The following ATP2A3 variants were observed in gnomAD, a reference collection of about 807,000 sequenced individuals.
The protein encoded by ATP2A3 is ATPase sarcoplasmic/endoplasmic reticulum Ca2+ transporting 3.
A neutral mutation model predicts 106.8 loss-of-function variants in ATP2A3; 61 were observed. The ratio of observed to expected loss-of-function variants is 0.57; its 90% CI spans 0.46 to 0.71. ATP2A3 has a LOEUF of 0.71. Ranked by LOEUF, ATP2A3 falls within the 30% of genes least tolerant of loss-of-function variation. The pLI, the probability that ATP2A3 is intolerant of heterozygous loss-of-function variation, is 0.00. For synonymous variants in ATP2A3, 611 were observed against 609.3 expected (o/e 1.00, Z -0.04); for missense variants, 1,201 against 1,423.5 (o/e 0.84, Z 2.52).
intron 10 of ATP2A3, 88 bp downstream of exon 10, chr17:3,944,616 T>C (rs2053981601): frequency 7.1e-7 from 1 of 1,411,040 alleles, no homozygotes; most frequent in African/African-American, 1.4e-5. Context: ...GAGCAAGGGC[T>C]GCCAACCCTG....
intron 13 of ATP2A3, 54 bp from the exon 14 acceptor site, chr17:3,941,360 C>A: frequency 6.2e-7 from 1 of 1,613,430 alleles, no homozygotes; most frequent in Non-Finnish European, 8.5e-7. Flanking sequence ...TGACCTACCA[C>A]CTGCTCAGCT....
rs942298063 is a variant in ATP2A3, at chr17:3,947,293, C to T, written c.1095+98G>A. On this transcript the variant is annotated intron_variant, in intron 8 of 20. Coordinates refer to ENST00000397041, the MANE Select transcript of ATP2A3 (RefSeq NM_005173.4). This position sits in a 1 kb window ranked among gnomAD's most constrained non-coding sequence, Gnocchi z 7.7. ...CCAAGGGACAGCCCACAGATTCTCT[C>T]CTCCATCCCTCACTGAAAAGGAGGT... 3 of 1,425,328 alleles carry T rather than the reference C, an allele frequency of 2.1e-6. No homozygotes were observed. Among genetic ancestry groups the T allele is most frequent in the Non-Finnish European group, 2.0e-6 (2 of 1,023,920 alleles). 88.3% of individuals were successfully genotyped at this position (1,425,328 alleles called of 1,614,324 possible).
rs976149483 is a variant in ATP2A3 at position 3,929,682 on chromosome 17, C to T, written c.2745-237G>A. Among the ~76,000 whole-genome samples, 1 of 152,140 alleles carries T rather than the reference C, an allele frequency of 6.6e-6. No individual in the cohort carries two copies. Among genetic ancestry groups the T allele is most frequent in the African/African-American group, 2.4e-5 (1 of 41,402 alleles). On this transcript the variant is annotated intron_variant, in intron 18 of 20. Transcript: ENST00000397041. The surrounding 1 kb of genome is among the most constrained non-coding windows in gnomAD (Gnocchi z 4.3). ...GTCTCCTGGGCCCCAATTCCGGTCC[C>T]CATGAACTCTCAGAATCCTCTCTGG...
Position 3,930,591 on chromosome 17 carries a change from G to A in ATP2A3, c.2611-157C>T, listed in dbSNP as rs970383733. 1.1e-5 allele frequency: 12 copies of A among 1,087,956 alleles called. No homozygotes were observed. Among genetic ancestry groups the A allele is most frequent in the African/African-American group, 6.3e-5 (4 of 63,382 alleles). The allele number at this position is 1,087,956 out of a possible 1,614,324, so 67.4% of individuals were successfully genotyped here. The stretch of plus-strand genomic sequence containing the variant: ...GGGCTGGGGATCCCGGGAGGGGTGC[G>A]GGGTCGGGGCGGCGGTGGGGAGAGC... On this transcript the variant is annotated intron_variant, in intron 17 of 20. Coordinates refer to ENST00000397041, the MANE Select transcript of ATP2A3 (RefSeq NM_005173.4). The surrounding 1 kb of genome is among the most constrained non-coding windows in gnomAD (Gnocchi z 5.4).
At position 3,951,633 on chromosome 17, in the gene ATP2A3, G is replaced by T; in HGVS notation, c.272C>A (p.Pro91His). The T allele has an allele frequency of 1.2e-6, 2 of 1,611,404 alleles. No homozygotes were observed. Among genetic ancestry groups the T allele is most frequent in the Non-Finnish European group, 1.7e-6 (2 of 1,179,184 alleles). The change falls in exon 4 of 21, where the codon CCC becomes CAC. Residue 91 changes from proline to histidine, a missense_variant. Pro to His is a moderately conservative substitution (Grantham distance 77). Around this residue, in one of 2 missense-constraint regions of ATP2A3, gnomAD observed 266 missense variants for 246.8 expected, o/e 1.08. Coordinates refer to ENST00000397041, the MANE Select transcript of ATP2A3 (RefSeq NM_005173.4). ...GEETTTAFVE[P>H]LVIMLILVAN... ...CACGAGGATCAGCATGATGACCAGG[G>T]GCTCCACGAAGGCGGTCGTGGTCTC...
At chr17:3,949,467 C>T (rs1195371279) in intron 7 of ATP2A3, among the ~76,000 whole-genome samples, 4 of 152,190 alleles carry the variant, frequency 2.6e-5, no homozygotes, top group African/African-American at 9.7e-5. Flanking sequence ...CCCCACCATC[C>T]TCCACCATTT....
At position 3,928,409 on chromosome 17, in the gene ATP2A3, T is replaced by A; in HGVS notation, c.2980+254A>T. The A allele has an allele frequency of 7.4e-7, 1 of 1,348,714 alleles. No individual in the cohort carries two copies. Among genetic ancestry groups the A allele is most frequent in the Non-Finnish European group, 1.0e-6 (1 of 960,960 alleles). The allele number at this position is 1,348,714 out of a possible 1,614,324, so 83.5% of individuals were successfully genotyped here. A position where few individuals can be genotyped will look rare whatever the true frequency, so the allele number is the denominator to read the frequency against. The stretch of plus-strand genomic sequence containing the variant: ...TGTAGGGGGTGGCAGGTGAAGACAG[T>A]GAGGCAGTGTGGCCCAAGAGGTGCT... On this transcript the variant is annotated intron_variant, in intron 20 of 20. Transcript: ENST00000397041. This position sits in a 1 kb window ranked among gnomAD's most constrained non-coding sequence, Gnocchi z 6.1.
In ATP2A3 at chr17:3,924,760, G is replaced by T; in HGVS notation, c.*662C>A. The T allele has an allele frequency of 2.2e-6, 1 of 456,634 alleles. No homozygotes were observed. The highest frequency in any genetic ancestry group is 4.4e-6 in the Non-Finnish European group (1 of 226,940). 28.3% of individuals were successfully genotyped at this position (456,634 alleles called of 1,614,324 possible). ...ACATCCTCGCTCCGCCCTCCTGCCG[G>T]CTCCTTGTGTCCGTCTCTCTGACCC... is the stretch of plus-strand genomic sequence containing the variant. On this transcript the variant is annotated 3_prime_UTR_variant, in exon 21 of 21. Coordinates refer to ENST00000397041, the MANE Select transcript of ATP2A3 (RefSeq NM_005173.4). The surrounding 1 kb of genome is among the most constrained non-coding windows in gnomAD (Gnocchi z 6.4).
At chr17:3,931,542 A>C (rs1282312999) in intron 17 of ATP2A3, among the ~76,000 whole-genome samples, 1 of 149,842 alleles carries the variant, frequency 6.7e-6, no homozygotes, top group African/African-American at 2.5e-5. Flanking sequence ...TTTTTTTTGA[A>C]ACAGAGTCTC....
chr17:3,952,060 G>A (rs1026084688), intron 3 of ATP2A3, among the ~76,000 whole-genome samples: 4 of 152,196 alleles, frequency 2.6e-5, no homozygotes, highest in Admixed American at 6.5e-5. Flanking sequence ...ATTCTGGGGT[G>A]GGGCCCAGTC....
chr17:3,961,402 G>T (rs2055128352), intron 1 of ATP2A3, among the ~76,000 whole-genome samples: 1 of 152,156 alleles, frequency 6.6e-6, no homozygotes, highest in African/African-American at 2.4e-5. Flanking sequence ...CCTGTTGGGG[G>T]TTACGGCAGA....
chr17:3,934,037 C>T (rs1393825781), intron 17 of ATP2A3, among the ~76,000 whole-genome samples: 1 of 151,296 alleles, frequency 6.6e-6, no homozygotes, highest in African/African-American at 2.5e-5. Context: ...GATTCTCCTG[C>T]CTCAGCCTCC....
rs564791675 is a variant in ATP2A3 at position 3,928,483 on chromosome 17, C to A, written c.2980+180G>T. On this transcript the variant is annotated intron_variant, in intron 20 of 20. Coordinates refer to ENST00000397041, the MANE Select transcript of ATP2A3 (RefSeq NM_005173.4). This position sits in a 1 kb window ranked among gnomAD's most constrained non-coding sequence, Gnocchi z 6.1. ...AGGTCCCCTGCAGTGCAAGACCCTG[C>A]GGACACCTTGGGACCCAGCCACCAG... 2 of 958,764 alleles carry A rather than the reference C, an allele frequency of 2.1e-6. No homozygotes were observed. Among genetic ancestry groups the A allele is most frequent in the Non-Finnish European group, 3.2e-6 (2 of 619,804 alleles). 59.4% of individuals were successfully genotyped at this position (958,764 alleles called of 1,614,324 possible).
In ATP2A3 at chr17:3,951,689, C is replaced by T. The variant is rs1314718965; in HGVS notation, c.220-4G>A. On this transcript the variant is annotated splice_polypyrimidine_tract_variant and splice_region_variant and intron_variant, in intron 3 of 20. Coordinates refer to ENST00000397041, the MANE Select transcript of ATP2A3 (RefSeq NM_005173.4). ...CCTCCTCGAACCAGGCCAGGACCTG[C>T]AGGATCACAGCTGGTGAGCTCAGGC... The T allele has an allele frequency of 2.8e-5, 45 of 1,604,808 alleles. No homozygotes were observed. Among genetic ancestry groups the T allele is most frequent in the Non-Finnish European group, 3.7e-5 (44 of 1,176,382 alleles).
intron 20 of ATP2A3, chr17:3,927,339 AT>A (rs2052763261): frequency 1.0e-6 from 1 of 985,346 alleles, no homozygotes; most frequent in African/African-American, 1.7e-5. Flanking sequence ...TCTCAAGAAA[AT>A]CTGCTGAGCT....
chr17:3,935,353 C>A, intron 16 of ATP2A3, 76 bp from the exon 17 acceptor site: 1 of 1,389,484 alleles, frequency 7.2e-7, no homozygotes, highest in Non-Finnish European at 1.0e-6. Flanking sequence ...CCTAATAATT[C>A]CCTGAATTCC....
At position 3,936,476 on chromosome 17, in the gene ATP2A3, C is replaced by T; in HGVS notation, c.2322-7G>A. ...AATTGCCGTGAGGAAGATGCTGGAACAGAGTCATGAGCTCTAGCCCCGGTA... is the reference window on the plus strand; with the variant it reads ...AATTGCCGTGAGGAAGATGCTGGAATAGAGTCATGAGCTCTAGCCCCGGTA... On this transcript the variant is annotated splice_region_variant and splice_polypyrimidine_tract_variant and intron_variant, in intron 15 of 20. Transcript: ENST00000397041. This position sits in a 1 kb window ranked among gnomAD's most constrained non-coding sequence, Gnocchi z 5.4. 1.2e-6 allele frequency: 2 copies of T among 1,613,810 alleles called. No homozygotes were observed. Among genetic ancestry groups the T allele is most frequent in the Non-Finnish European group, 1.7e-6 (2 of 1,179,996 alleles).
rs1555558101 is a variant in ATP2A3, at chr17:3,939,786, T to TTAAAAAAAAAAAAA, written c.2100+1184_2100+1185insTTTTTTTTTTTTTA. On this transcript the variant is annotated intron_variant, in intron 14 of 20. Transcript: ENST00000397041. ...CTGGGTGACAGAGCGAGACTCTGTC[T>TTAAAAAAAAAAAAA]AAAAAAAAAAAAAAAAAAAAAAAAA... 3.6e-4 allele frequency among the ~76,000 whole-genome samples: 18 copies of TTAAAAAAAAAAAAA among 50,524 alleles called. 2 individuals carry two copies. Among genetic ancestry groups the TTAAAAAAAAAAAAA allele is most frequent in the Non-Finnish European group, 5.6e-4 (14 of 24,824 alleles). 33.1% of individuals were successfully genotyped at this position (50,524 alleles called of 152,430 possible).
chr17:3,927,340 T>C lies in ATP2A3; in HGVS notation c.2980+1323A>G, dbSNP rs539666819. 1.1e-3 allele frequency: 1,045 copies of C among 985,464 alleles called. 2 individuals carry two copies. Among genetic ancestry groups the C allele is most frequent in the Middle Eastern group, 1.6e-3 (3 of 1,914 alleles). 61.0% of individuals were successfully genotyped at this position (985,464 alleles called of 1,614,324 possible). Reference sequence around the variant, plus strand: ...TCACTTTTAAGTTTTCTCAAGAAAATCTGCTGAGCTCCTAGGCAGTTGTGG... The same window carrying C: ...TCACTTTTAAGTTTTCTCAAGAAAACCTGCTGAGCTCCTAGGCAGTTGTGG... On this transcript the variant is annotated intron_variant, in intron 20 of 20. Coordinates refer to ENST00000397041, the MANE Select transcript of ATP2A3 (RefSeq NM_005173.4).
Sources: allele counts gnomAD v4.1 joint callset (sites outside exome capture counted in the v4.1 genomes callset), GRCh38; gene constraint gnomAD v4.1.1; regional missense constraint gnomAD v4.1.1; non-coding constraint Gnocchi (gnomAD v3.1); transcripts MANE v1.5; gene names NCBI Gene and HGNC (gene_info 2026-07-23, HGNC 2026-07-21).